OAF: variants seen among roughly 807,000 people sequenced by gnomAD.
The protein encoded by OAF is out at first homolog, also known as out at first protein homolog.
OAF carries 13 observed loss-of-function variants against 22.5 expected under a neutral mutation model. That is an observed-to-expected ratio of 0.58 (90% confidence interval 0.38 to 0.92). The LOEUF (loss-of-function observed/expected upper bound fraction) is 0.92. Ranked by LOEUF, OAF falls within the 40% of genes least tolerant of loss-of-function variation. The pLI is 0.00. For missense variants in OAF, 347 were observed against 381.8 expected, an observed-to-expected ratio of 0.91 and a Z score of 0.76; for synonymous variants, 175 against 170.5, an observed-to-expected ratio of 1.03 and a Z score of -0.21.
chr11:120,229,368 C>CTTT lies in OAF; in HGVS notation c.*226_*227insTTT. 2 of 333,916 alleles carry CTTT rather than the reference C, an allele frequency of 6.0e-6. No individual in the cohort carries two copies. The highest frequency in any genetic ancestry group is 2.1e-4 in the South Asian group (2 of 9,552). The allele number at this position is 333,916 out of a possible 1,614,324, so 20.7% of individuals were successfully genotyped here. A position where few individuals can be genotyped will look rare whatever the true frequency, so the allele number is the denominator to read the frequency against. On this transcript the variant is annotated 3_prime_UTR_variant, in exon 4 of 4. Transcript: ENST00000328965. ...TCCCACCCTGTGCCTTCCTTGCGGG[C>CTTT]AGAGAGGGAGAGAAGGGCTCCCCAG...
chr11:120,225,526 T>G lies in OAF; in HGVS notation c.232-135T>G. 6.0e-6 allele frequency: 4 copies of G among 671,718 alleles called. No homozygotes were observed. The South Asian group carries it at 9.3e-5, about 16-fold the overall frequency. 41.6% of individuals were successfully genotyped at this position (671,718 alleles called of 1,614,324 possible). ...TTTAAACGGAAAAGATAAAAATTCC[T>G]AGACCAGCAGGAGGGAGGTGTCTGT... is the stretch of plus-strand genomic sequence containing the variant. On this transcript the variant is annotated intron_variant, in intron 1 of 3. Coordinates refer to ENST00000328965, the MANE Select transcript of OAF (RefSeq NM_178507.4).
intron 1 of OAF, chr11:120,217,436 A>G (rs1359279841): frequency 6.6e-6 from 1 of 151,476 alleles, no homozygotes; most frequent in Non-Finnish European, 1.5e-5. Context: ...AAAATTAGCC[A>G]GGCATGGTGG....
chr11:120,223,073 C>T (rs1315838322), intron 1 of OAF, among the ~76,000 whole-genome samples: 1 of 152,230 alleles, frequency 6.6e-6, no homozygotes, highest in Non-Finnish European at 1.5e-5. Flanking sequence ...GGTGTGCTGA[C>T]TTAAGGCAGG....
At chr11:120,226,414 T>G (rs1938357093) in intron 2 of OAF, among the ~76,000 whole-genome samples, 1 of 152,268 alleles carries the variant, frequency 6.6e-6, no homozygotes, top group African/African-American at 2.4e-5. Context: ...CCTGGGGGCC[T>G]CCTCGCCCCT....
chr11:120,229,389 C>A lies in OAF; in HGVS notation c.*247C>A. On this transcript the variant is annotated 3_prime_UTR_variant, in exon 4 of 4. Coordinates refer to ENST00000328965, the MANE Select transcript of OAF (RefSeq NM_178507.4). The stretch of plus-strand genomic sequence containing the variant: ...CGGGCAGAGAGGGAGAGAAGGGCTC[C>A]CCAGATCTACACCCCTCCCTCCTGC... 1 of 501,588 alleles carries A rather than the reference C, an allele frequency of 2.0e-6. No individual in the cohort carries two copies. The highest frequency in any genetic ancestry group is 3.4e-5 in the East Asian group (1 of 29,156). The allele number at this position is 501,588 out of a possible 1,614,324, so 31.1% of individuals were successfully genotyped here. A position where few individuals can be genotyped will look rare whatever the true frequency, so the allele number is the denominator to read the frequency against.
rs1303311832 is a variant in OAF, at chr11:120,230,121, A to G, written c.*979A>G. 2 of 152,230 alleles carry G rather than the reference A, an allele frequency of 1.3e-5. No homozygotes were observed. The highest frequency in any genetic ancestry group is 2.9e-5 in the Non-Finnish European group (2 of 68,032). The allele number at this position is 152,230 out of a possible 1,614,324, so 9.4% of individuals were successfully genotyped here. ...GAAGATGTTACTAGGGAAGGATGAG[A>G]TAAAACTTCTGCACCCAAGACAATG... is the stretch of plus-strand genomic sequence containing the variant. On this transcript the variant is annotated 3_prime_UTR_variant, in exon 4 of 4. Transcript: ENST00000328965.
chr11:120,226,815 GA>G lies in OAF; in HGVS notation c.371del (p.Asn124IlefsTer31). 2 of 1,588,602 alleles carry G rather than the reference GA, an allele frequency of 1.3e-6. No homozygotes were observed. The highest frequency in any genetic ancestry group is 1.7e-6 in the Non-Finnish European group (2 of 1,161,092). ...PSEAMAKLRQ[K>X]NPRAVRQAEE... ...AGGAGTGACTTCTCTCCCACACACA[GA>G]AAAATCCCCGGGCAGTGCGGCAGGC... is the stretch of plus-strand genomic sequence containing the variant. On this transcript the variant is annotated frameshift_variant and splice_region_variant, in exon 3 of 4. Coordinates refer to ENST00000328965, the MANE Select transcript of OAF (RefSeq NM_178507.4). LOFTEE classifies it high-confidence loss of function.
At chr11:120,217,736 G>T (rs1270137932) in intron 1 of OAF, among the ~76,000 whole-genome samples, 1 of 152,192 alleles carries the variant, frequency 6.6e-6, no homozygotes, top group African/African-American at 2.4e-5. Context: ...GTGATGCTTG[G>T]GGTTCAGTGT....
intron 3 of OAF, 35 bp from the exon 4 acceptor site, chr11:120,228,830 CCCT>C: frequency 7.3e-6 from 3 of 412,162 alleles, no homozygotes; most frequent in Admixed American, 2.3e-5. Context: ...TTCCCTCCCT[CCCT>C]CCCTCCCTCC....
In OAF at chr11:120,229,360, C is replaced by A; in HGVS notation, c.*218C>A. ...ACCCCCATTCCCACCCTGTGCCTTC[C>A]TTGCGGGCAGAGAGGGAGAGAAGGG... On this transcript the variant is annotated 3_prime_UTR_variant, in exon 4 of 4. Transcript: ENST00000328965. The A allele has an allele frequency of 2.5e-5, 14 of 567,500 alleles. No individual in the cohort carries two copies. The highest frequency in any genetic ancestry group is 6.2e-5 in the South Asian group (3 of 48,184). The allele number at this position is 567,500 out of a possible 1,614,324, so 35.2% of individuals were successfully genotyped here.
intron 1 of OAF, among the ~76,000 whole-genome samples, chr11:120,219,408 G>T (rs777858272): frequency 6.6e-5 from 10 of 152,186 alleles, no homozygotes; most frequent in Non-Finnish European, 1.5e-4. Context: ...TGAGGCCGTG[G>T]CAAAACAGCC....
At chr11:120,228,806 A>C in intron 3 of OAF, 62 bp from the exon 4 acceptor site, 1 of 1,326,898 alleles carries the variant, frequency 7.5e-7, no homozygotes, top group South Asian at 1.3e-5. Context: ...GCGGCCTCTG[A>C]CTAGGGGAGC....
chr11:120,229,144 G>T lies in OAF; in HGVS notation c.*2G>T. 6.2e-7 allele frequency: 1 copy of T among 1,607,260 alleles called. No homozygotes were observed. Among genetic ancestry groups the T allele is most frequent in the Non-Finnish European group, 8.5e-7 (1 of 1,175,342 alleles). On this transcript the variant is annotated 3_prime_UTR_variant, in exon 4 of 4. Transcript: ENST00000328965. Reference sequence around the variant, plus strand: ...GATGAGGATCCCTACCCAGGCTAGGGTGGGAGCAACCTGGCGGGTGGCTGC... The same window carrying T: ...GATGAGGATCCCTACCCAGGCTAGGTTGGGAGCAACCTGGCGGGTGGCTGC...
chr11:120,218,407 G>A (rs891566871), intron 1 of OAF, among the ~76,000 whole-genome samples: 1 of 152,198 alleles, frequency 6.6e-6, no homozygotes, highest in Non-Finnish European at 1.5e-5. Context: ...CAGCTTTGCC[G>A]TGGGGCTAGG....
intron 1 of OAF, chr11:120,217,249 T>C (rs531698): frequency 0.15 from 23,075 of 152,166 alleles, 2,406 homozygotes; most frequent in African/African-American, 0.27. Flanking sequence ...CTGCATGGCC[T>C]CTTGGGGAGC....
rs3225 is a variant in OAF, at chr11:120,229,811, C to G, written c.*669C>G. On this transcript the variant is annotated 3_prime_UTR_variant, in exon 4 of 4. Transcript: ENST00000328965. ...CAGGCACCAGCTCTTTCCCTCTCTA[C>G]ACAGAAATATTTTTGTAAGGTTCTG... 114,170 of 152,686 alleles carry G rather than the reference C, an allele frequency of 0.75. 45,124 individuals are homozygous for G. Among genetic ancestry groups the G allele is most frequent in the Non-Finnish European group, 0.88 (60,037 of 68,086 alleles). 9.5% of individuals were successfully genotyped at this position (152,686 alleles called of 1,614,324 possible).
At chr11:120,222,728 A>G (rs1938296457) in intron 1 of OAF, among the ~76,000 whole-genome samples, 1 of 152,118 alleles carries the variant, frequency 6.6e-6, no homozygotes, top group South Asian at 2.1e-4. Flanking sequence ...CCTGGCCAAC[A>G]TGGAGAAACC....
intron 2 of OAF, 127 bp from the exon 3 acceptor site, chr11:120,226,689 C>A: frequency 3.8e-6 from 3 of 784,186 alleles, no homozygotes; most frequent in Admixed American, 5.2e-5. Context: ...GTGGGGCTGC[C>A]ACCCTGCAGA....
intron 3 of OAF, 86 bp from the exon 4 acceptor site, chr11:120,228,782 A>G: frequency 9.4e-7 from 1 of 1,064,100 alleles, no homozygotes; most frequent in Non-Finnish European, 1.4e-6. Flanking sequence ...GAGGAGACCA[A>G]GTGGGGAATG....
Sources: gnomAD v4.1 joint callset for allele counts (sites outside exome capture counted in the v4.1 genomes callset) on GRCh38, gnomAD v4.1.1 for gene constraint, MANE v1.5 for transcripts, NCBI Gene and HGNC (gene_info 2026-07-23, HGNC 2026-07-21) for gene names.